Variants in LIFR observed in about 807,000 individuals in gnomAD.
LIFR encodes leukemia inhibitory factor receptor.
In LIFR, 84 loss-of-function variants were observed where a neutral mutation model predicts 122.2. The ratio of observed to expected loss-of-function variants is 0.69; its 90% CI spans 0.58 to 0.82. LIFR has a LOEUF of 0.82. Among genes scored for constraint, LIFR ranks in the 40% least tolerant of loss-of-function variants. The pLI is 0.00. For missense variants in LIFR, 1,294 were observed against 1,311.6 expected (o/e 0.99, Z 0.21); for synonymous variants, 422 against 434.7 (o/e 0.97, Z 0.36).
chr5:38,576,568 T>A (rs1239031739), intron 1 of LIFR, among the ~76,000 whole-genome samples: 2 of 152,302 alleles, frequency 1.3e-5, no homozygotes, highest in African/African-American at 4.8e-5. Flanking sequence ...GAGCCAGCGC[T>A]GGGACTCATA....
chr5:38,566,034 G>A (rs1332831200), intron 1 of LIFR, among the ~76,000 whole-genome samples: 1 of 152,066 alleles, frequency 6.6e-6, no homozygotes, highest in African/African-American at 2.4e-5. Flanking sequence ...TCAAAACATG[G>A]TCAGAATGTC....
At chr5:38,495,923 G>T (rs1484959521) in intron 13 of LIFR, among the ~76,000 whole-genome samples, 1 of 150,154 alleles carries the variant, frequency 6.7e-6, no homozygotes, top group African/African-American at 2.4e-5. Context: ...AATCAATAAA[G>T]AATTTCTATT....
intron 14 of LIFR, among the ~76,000 whole-genome samples, chr5:38,491,984 T>A (rs1744618306): frequency 6.6e-6 from 1 of 152,176 alleles, no homozygotes; most frequent in Non-Finnish European, 1.5e-5. Context: ...CTGAGAAGGT[T>A]AGAGCATTAG....
intron 2 of LIFR, among the ~76,000 whole-genome samples, chr5:38,601,901 T>A (rs1561237078): frequency 6.6e-6 from 1 of 152,222 alleles, no homozygotes; most frequent in Non-Finnish European, 1.5e-5. Context: ...AAGCTGACTC[T>A]GTTCTGTCTC....
chr5:38,597,058 C>T (rs1347006684), upstream of LIFR, among the ~76,000 whole-genome samples: 1 of 152,210 alleles, frequency 6.6e-6, no homozygotes, highest in East Asian at 1.9e-4. Context: ...TTGTGCCTTG[C>T]ACAGATCAAA....
Position 38,529,554 on chromosome 5 carries a change from T to C in LIFR, c.143-714A>G, listed in dbSNP as rs114662072. Among the ~76,000 whole-genome samples, 929 of 151,784 alleles carry C rather than the reference T, an allele frequency of 6.1e-3. 10 individuals are homozygous for C. The highest frequency in any genetic ancestry group is 0.022 in the African/African-American group (890 of 41,340). On this transcript the variant is annotated intron_variant, in intron 2 of 19. Transcript: ENST00000453190. ...TCCTACTAGTACTTACTCACATCTA[T>C]AAAATAACATTACACCATGGAATAT...
chr5:38,541,382 G>A (rs1044331245), intron 1 of LIFR, among the ~76,000 whole-genome samples: 2 of 152,212 alleles, frequency 1.3e-5, no homozygotes, highest in African/African-American at 2.4e-5. Flanking sequence ...ACCCATGCAC[G>A]TCAGCCCATC....
At chr5:38,544,272 T>G (rs1488523271) in intron 1 of LIFR, among the ~76,000 whole-genome samples, 1 of 152,020 alleles carries the variant, frequency 6.6e-6, no homozygotes, top group African/African-American at 2.4e-5. Flanking sequence ...ATCATGTCAC[T>G]CCCCAGTTTA....
chr5:38,524,164 C>T (rs1444473509), intron 4 of LIFR, among the ~76,000 whole-genome samples: 1 of 152,178 alleles, frequency 6.6e-6, no homozygotes, highest in Non-Finnish European at 1.5e-5. Flanking sequence ...TTCTCTGCAG[C>T]TGTCTCAGGC....
intron 1 of LIFR, among the ~76,000 whole-genome samples, chr5:38,566,010 A>T (rs759802614): frequency 1.4e-4 from 21 of 152,240 alleles, no homozygotes; most frequent in Non-Finnish European, 2.8e-4. Context: ...GATGAAGCTT[A>T]CGTATTAAGA....
chr5:38,481,930 G>A lies in LIFR; in HGVS notation c.2959C>T (p.Pro987Ser), dbSNP rs1455296135. The change falls in exon 20 of 20, where the codon CCA becomes TCA. Residue 987 changes from proline to serine, a missense_variant. Pro to Ser is a moderately conservative substitution (Grantham distance 74, BLOSUM62 -1). Coordinates refer to ENST00000453190, the MANE Select transcript of LIFR (RefSeq NM_001127671.2). ...GGGTCATTTTCTTGTTCTTCTTCTGGTTTTGCTTGAGGCTGATACATCGAC... is the reference window on the plus strand; with the variant it reads ...GGGTCATTTTCTTGTTCTTCTTCTGATTTTGCTTGAGGCTGATACATCGAC... ...VQSMYQPQAK[P>S]EEEQENDPVG... The A allele has an allele frequency of 1.2e-6, 2 of 1,613,986 alleles. No individual in the cohort carries two copies. The highest frequency in any genetic ancestry group is 1.1e-5 in the South Asian group (1 of 91,082).
At chr5:38,561,556 TC>T (rs1203170776), upstream of LIFR, among the ~76,000 whole-genome samples, 3 of 152,196 alleles carry the variant, frequency 2.0e-5, no homozygotes, top group Non-Finnish European at 2.9e-5. Context: ...TATTTTTTCC[TC>T]CCCTCTTAGA....
intron 1 of LIFR, among the ~76,000 whole-genome samples, chr5:38,562,467 T>C (rs1416964454): frequency 2.0e-5 from 3 of 152,226 alleles, no homozygotes; most frequent in African/African-American, 7.2e-5. Flanking sequence ...TGCTACCTTC[T>C]TTCTTATAGC....
chr5:38,559,915 A>G (rs1286213022), upstream of LIFR, among the ~76,000 whole-genome samples: 1 of 152,268 alleles, frequency 6.6e-6, no homozygotes, highest in East Asian at 1.9e-4. Context: ...TTTGAAATGC[A>G]TCATTATATA....
At position 38,511,841 on chromosome 5, in the gene LIFR, A is replaced by C; in HGVS notation, c.685T>G (p.Phe229Val). 6.2e-7 allele frequency: 1 copy of C among 1,614,122 alleles called. No individual in the cohort carries two copies. ...TCACTCCACTCTTCGAGACCAGAAA[A>C]ATGAAGATTGTCAATGTAGCATCTA... ...EIRCYIDNLH[F>V]SGLEEWSDWS... The change falls in exon 6 of 20, where the codon TTT (phenylalanine) becomes GTT (valine). Residue 229 changes from phenylalanine to valine, a missense_variant. Phe to Val is a conservative substitution (Grantham distance 50). Transcript: ENST00000453190.
In LIFR at chr5:38,528,849, GACAC is replaced by G. The variant is rs10637374; in HGVS notation, c.143-13_143-10del. On this transcript the variant is annotated splice_polypyrimidine_tract_variant and intron_variant, in intron 2 of 19. Transcript: ENST00000453190. ...CAAATCATGAGGAGCCCCTGGAGGA[GACAC>G]ACACACACACACACACACACACACA... 36,329 of 881,108 alleles carry G rather than the reference GACAC, an allele frequency of 0.041. 27 individuals are homozygous for G. Among genetic ancestry groups the G allele is most frequent in the Middle Eastern group, 0.076 (279 of 3,670 alleles). The allele number at this position is 881,108 out of a possible 1,614,324, so 54.6% of individuals were successfully genotyped here.
chr5:38,574,277 G>A (rs1465186541), intron 1 of LIFR, among the ~76,000 whole-genome samples: 1 of 152,006 alleles, frequency 6.6e-6, no homozygotes, highest in Non-Finnish European at 1.5e-5. Flanking sequence ...TCCCTCTATA[G>A]ACTTCCCTCA....
rs1299283129 is a variant in LIFR, at chr5:38,504,125, C to A, written c.1292-4G>T. The A allele has an allele frequency of 1.3e-6, 2 of 1,516,716 alleles. No homozygotes were observed. Among genetic ancestry groups the A allele is most frequent in the Non-Finnish European group, 1.8e-6 (2 of 1,093,016 alleles). 94.0% of individuals were successfully genotyped at this position (1,516,716 alleles called of 1,614,324 possible). On this transcript the variant is annotated splice_region_variant and splice_polypyrimidine_tract_variant and intron_variant, in intron 9 of 19. Transcript: ENST00000453190. ...GAAGTAGGAGTATGGGGATAAACTG[C>A]AAATATAATTTTTAAAGATTAAACA...
chr5:38,474,857 T>G lies in LIFR; in HGVS notation c.*6738A>C, dbSNP rs945839857. On this transcript the variant is annotated 3_prime_UTR_variant, in exon 20 of 20. Transcript: ENST00000453190. ...CGCTATGTGATTGCTTTACAACCAC[T>G]GTATTTCTTACGGGATAGAACAAAA... The G allele has an allele frequency of 2.6e-5, 4 of 153,842 alleles. No individual in the cohort carries two copies. The East Asian group carries it at 7.4e-4, about 29-fold the overall frequency. The allele number at this position is 153,842 out of a possible 1,614,324, so 9.5% of individuals were successfully genotyped here.
Sources: gnomAD v4.1 joint callset for allele counts (sites outside exome capture counted in the v4.1 genomes callset) on GRCh38, gnomAD v4.1.1 for gene constraint, MANE v1.5 for transcripts, NCBI Gene and HGNC (gene_info 2026-07-23, HGNC 2026-07-21) for gene names.